Variants in SPARC observed in about 807,000 individuals in gnomAD.
SPARC encodes the protein basement-membrane protein 40.
A neutral mutation model predicts 37.7 loss-of-function variants in SPARC; 23 were observed. The observed-to-expected ratio is 0.61, with a 90% CI of 0.44 to 0.87. The LOEUF is 0.87. Ranked by LOEUF, SPARC falls within the 40% of genes least tolerant of loss-of-function variation. The probability of loss-of-function intolerance (pLI) is 0.00; values close to 1 mark genes in which losing one functional copy is unlikely to be tolerated. For synonymous variants in SPARC, 155 were observed against 150.8 expected (o/e 1.03, Z -0.20); for missense variants, 312 against 389.0 (o/e 0.80, Z 1.66).
At chr5:151,684,484 A>G (rs1663288258) in intron 1 of SPARC, among the ~76,000 whole-genome samples, 1 of 151,348 alleles carries the variant, frequency 6.6e-6, no homozygotes, top group Non-Finnish European at 1.5e-5. Flanking sequence ...CTTGGGAAAT[A>G]CACAAGAAGT....
intron 6 of SPARC, among the ~76,000 whole-genome samples, chr5:151,668,320 T>C (rs1369364399): frequency 6.6e-6 from 1 of 152,032 alleles, no homozygotes; most frequent in Non-Finnish European, 1.5e-5. Flanking sequence ...ACCCAGCTAA[T>C]TTTTGTATAT....
chr5:151,671,752 T>C, intron 4 of SPARC, 58 bp from the exon 5 acceptor site: 1 of 1,604,098 alleles, frequency 6.2e-7, no homozygotes, highest in Non-Finnish European at 8.5e-7. Flanking sequence ...TCCACCCCCA[T>C]CCTACCTGGA....
intron 7 of SPARC, 84 bp downstream of exon 7, chr5:151,667,383 C>T (rs975509694): frequency 9.8e-6 from 15 of 1,536,398 alleles, no homozygotes; most frequent in Non-Finnish European, 1.3e-5. Flanking sequence ...AGCAGGATGC[C>T]GCCCTGCAGC....
Position 151,664,143 on chromosome 5 carries a change from T to TC in SPARC, c.826dup (p.Asp276GlyfsTer3). ...ATCCAGGGCGATGTACTTGTCATTGTCCAGGTCACAGGTCTCGAAAAAGCG... is the reference window on the plus strand; with the variant it reads ...ATCCAGGGCGATGTACTTGTCATTGTCCCAGGTCACAGGTCTCGAAAAAGCG... On this transcript the variant is annotated frameshift_variant, in exon 9 of 10. Transcript: ENST00000231061. LOFTEE classifies it high-confidence loss of function. The TC allele has an allele frequency of 6.2e-7, 1 of 1,614,202 alleles. No individual in the cohort carries two copies. Among genetic ancestry groups the TC allele is most frequent in the Non-Finnish European group, 8.5e-7 (1 of 1,180,026 alleles).
chr5:151,670,224 T>G (rs757388808), intron 5 of SPARC, among the ~76,000 whole-genome samples: 11 of 152,236 alleles, frequency 7.2e-5, no homozygotes, highest in Non-Finnish European at 1.3e-4. Flanking sequence ...TCTGCACTGT[T>G]GTAAATCTTT....
At chr5:151,677,201 C>T (rs1467566829) in intron 1 of SPARC, among the ~76,000 whole-genome samples, 1 of 152,158 alleles carries the variant, frequency 6.6e-6, no homozygotes, top group Non-Finnish European at 1.5e-5. Flanking sequence ...TCATTTCTTG[C>T]ACTAACTAAA....
intron 1 of SPARC, among the ~76,000 whole-genome samples, chr5:151,682,576 G>A (rs1255433766): frequency 6.6e-6 from 1 of 152,182 alleles, no homozygotes; most frequent in African/African-American, 2.4e-5. Flanking sequence ...AGAGTCATCA[G>A]AATCCTGAAC....
intron 2 of SPARC, among the ~76,000 whole-genome samples, chr5:151,675,154 A>G (rs749442687): frequency 2.6e-5 from 4 of 152,180 alleles, no homozygotes; most frequent in Non-Finnish European, 5.9e-5. Context: ...AAAACACACA[A>G]CTTTGAGGCC....
intron 7 of SPARC, 112 bp from the exon 8 acceptor site, chr5:151,666,621 A>G: frequency 6.5e-6 from 6 of 918,476 alleles, no homozygotes; most frequent in Non-Finnish European, 4.9e-6. Flanking sequence ...GCCAGACCAA[A>G]GCTCACAGCG....
intron 1 of SPARC, among the ~76,000 whole-genome samples, chr5:151,681,717 C>G (rs897307999): frequency 6.6e-6 from 1 of 152,162 alleles, no homozygotes; most frequent in Non-Finnish European, 1.5e-5. Context: ...CATGATGAAA[C>G]CCCGTCTCTA....
In SPARC at chr5:151,676,165, G is replaced by A. The variant is rs778992438; in HGVS notation, c.24C>T (p.Leu8=). The A allele has an allele frequency of 3.7e-6, 6 of 1,612,426 alleles. No individual in the cohort carries two copies. The highest frequency in any genetic ancestry group is 2.2e-5 in the East Asian group (1 of 44,862). The change falls in exon 2 of 10, where the codon CTC becomes CTT. Residue 8 remains leucine (L), a synonymous_variant. Coordinates refer to ENST00000231061, the MANE Select transcript of SPARC (RefSeq NM_003118.4). The stretch of plus-strand genomic sequence containing the variant: ...CCAAGGCCCTCCCGGCCAGGCAAAG[G>A]AGAAAGAAGATCCAGGCCCTCATGG... MRAWIFF[L]LCLAGRALAA...
At chr5:151,668,384 C>T (rs1203654126) in intron 6 of SPARC, among the ~76,000 whole-genome samples, 1 of 152,168 alleles carries the variant, frequency 6.6e-6, no homozygotes, top group African/African-American at 2.4e-5. Flanking sequence ...AACTCCTGAG[C>T]TCAAGTGATC....
chr5:151,685,374 G>A (rs1031937861), intron 1 of SPARC: 1 of 151,448 alleles, frequency 6.6e-6, no homozygotes, highest in African/African-American at 2.4e-5. Context: ...GCTGAAAGCT[G>A]TGACCACCCA....
intron 1 of SPARC, chr5:151,685,804 T>C (rs2113127607): frequency 6.6e-6 from 1 of 152,360 alleles, no homozygotes; most frequent in Non-Finnish European, 1.5e-5. Context: ...GGAAAATGCA[T>C]GCCTCTCTGT....
intron 6 of SPARC, 174 bp from the exon 7 acceptor site, chr5:151,667,774 A>G: frequency 1.5e-6 from 1 of 679,638 alleles, no homozygotes; most frequent in Non-Finnish European, 2.5e-6. Flanking sequence ...ATGTGTGGGA[A>G]GAATGCCCTA....
intron 1 of SPARC, among the ~76,000 whole-genome samples, chr5:151,677,644 C>A (rs534697638): frequency 6.6e-6 from 1 of 152,266 alleles, no homozygotes; most frequent in Admixed American, 6.5e-5. Context: ...CCTTAAAATG[C>A]TCTTAAGACA....
chr5:151,676,850 G>T (rs1760869201), intron 1 of SPARC: 1 of 152,092 alleles, frequency 6.6e-6, no homozygotes, highest in African/African-American at 2.4e-5. Context: ...TGCCAGTTTG[G>T]GACAATGAGA....
At chr5:151,668,977 G>T (rs781142084) in intron 6 of SPARC, among the ~76,000 whole-genome samples, 1 of 152,130 alleles carries the variant, frequency 6.6e-6, no homozygotes, top group Non-Finnish European at 1.5e-5. Flanking sequence ...TTGCCTTGGA[G>T]GGGGAGCAGG....
intron 2 of SPARC, among the ~76,000 whole-genome samples, chr5:151,675,898 A>C (rs1027423567): frequency 6.6e-6 from 1 of 152,030 alleles, no homozygotes; most frequent in Non-Finnish European, 1.5e-5. Context: ...GGAGGCTCTG[A>C]CTACTAAGAA....
Sources: allele counts gnomAD v4.1 joint callset (sites outside exome capture counted in the v4.1 genomes callset), GRCh38; gene constraint gnomAD v4.1.1; transcripts MANE v1.5; gene names NCBI Gene and HGNC (gene_info 2026-07-23, HGNC 2026-07-21).